TENM3: variants seen among roughly 807,000 people sequenced by gnomAD.
The protein encoded by TENM3 is teneurin-3.
TENM3 carries 63 observed loss-of-function variants against 255.1 expected under a neutral mutation model. That is an observed-to-expected ratio of 0.25 (90% CI 0.20 to 0.30). TENM3 has a LOEUF of 0.30. Ranked by LOEUF, TENM3 falls within the 10% of genes least tolerant of loss-of-function variation. TENM3 has a pLI of 1.00. For synonymous variants in TENM3, 1,306 were observed against 1,322.3 expected, an observed-to-expected ratio of 0.99 and a Z score of 0.27; for missense variants, 2,929 against 3,461.1, an observed-to-expected ratio of 0.85 and a Z score of 3.86.
the TENM3 span, among the ~76,000 whole-genome samples, chr4:181,948,005 A>T: frequency 6.6e-6 from 1 of 152,218 alleles, no homozygotes; most frequent in Admixed American, 6.5e-5. Flanking sequence ...GGAAGGGGAA[A>T]AAAAAATAAA....
chr4:181,665,646 T>C, the TENM3 span, among the ~76,000 whole-genome samples: 7 of 151,428 alleles, frequency 4.6e-5, no homozygotes, highest in South Asian at 2.1e-4. Context: ...TACACACACA[T>C]ATATACATAT....
chr4:182,748,464 G>A (rs746308838), intron 19 of TENM3, among the ~76,000 whole-genome samples: 13 of 152,052 alleles, frequency 8.5e-5, no homozygotes, highest in Non-Finnish European at 1.5e-4. Flanking sequence ...CCACACACCC[G>A]CCTCTTCAGT....
At chr4:181,845,194 C>G in the TENM3 span, among the ~76,000 whole-genome samples, 1 of 152,114 alleles carries the variant, frequency 6.6e-6, no homozygotes, top group African/African-American at 2.4e-5. Context: ...AAACTTGAGA[C>G]TATGTTTTAG....
At chr4:182,235,813 C>A (rs1486547328) in intron 1 of TENM3, among the ~76,000 whole-genome samples, 4 of 152,182 alleles carry the variant, frequency 2.6e-5, no homozygotes, top group African/African-American at 9.7e-5. Flanking sequence ...TGTGTTCATT[C>A]AGGCAGTGAA....
intron 12 of TENM3, chr4:182,697,981 T>A (rs1757555957): frequency 6.6e-6 from 1 of 152,184 alleles, no homozygotes; most frequent in Non-Finnish European, 1.5e-5. Flanking sequence ...GTCCTTCAAA[T>A]TCTTCTTTCG....
chr4:182,396,711 C>A (rs781612412), intron 3 of TENM3, among the ~76,000 whole-genome samples: 25 of 152,238 alleles, frequency 1.6e-4, no homozygotes, highest in Non-Finnish European at 3.2e-4. Context: ...CCTGTAAACT[C>A]AGCACTTTGG....
intron 1 of TENM3, among the ~76,000 whole-genome samples, chr4:182,210,830 TTC>T (rs1754980796): frequency 1.3e-5 from 2 of 152,156 alleles, no homozygotes; most frequent in African/African-American, 4.8e-5. Context: ...CCCCAGGCTC[TTC>T]TCTCAGTCTA....
intron 18 of TENM3, among the ~76,000 whole-genome samples, chr4:182,740,647 ATCTCTGTAGC>A (rs1371458889): frequency 1.3e-5 from 2 of 152,214 alleles, no homozygotes; most frequent in Non-Finnish European, 2.9e-5. Flanking sequence ...AACTACAGGC[ATCTCTGTAGC>A]TCCGAAAAAG....
the TENM3 span, among the ~76,000 whole-genome samples, chr4:181,931,617 T>G: frequency 6.6e-6 from 1 of 152,318 alleles, no homozygotes; most frequent in Middle Eastern, 3.4e-3. Context: ...TTCAATGCTA[T>G]TCTCATCAAA....
intron 24 of TENM3, among the ~76,000 whole-genome samples, chr4:182,788,358 G>T (rs541194703): frequency 1.8e-4 from 27 of 152,180 alleles, no homozygotes; most frequent in Non-Finnish European, 2.8e-4. Flanking sequence ...GCCTCGGATG[G>T]CAGACGGTAA....
At chr4:181,693,515 ATG>A in the TENM3 span, among the ~76,000 whole-genome samples, 4 of 152,174 alleles carry the variant, frequency 2.6e-5, no homozygotes, top group Non-Finnish European at 4.4e-5. Context: ...GAGTGCAGTT[ATG>A]TAGTCCCCTG....
chr4:181,887,804 G>C, the TENM3 span, among the ~76,000 whole-genome samples: 2 of 152,112 alleles, frequency 1.3e-5, no homozygotes, highest in Non-Finnish European at 2.9e-5. Flanking sequence ...CTTTACAATA[G>C]AAAAATCTTG....
chr4:181,852,081 A>G, the TENM3 span, among the ~76,000 whole-genome samples: 3 of 152,184 alleles, frequency 2.0e-5, no homozygotes, highest in Admixed American at 1.3e-4. Context: ...CAGCCAAACC[A>G]AGAGAAAGGT....
At chr4:181,551,807 AATATATATAT>A in the TENM3 span, among the ~76,000 whole-genome samples, 29,582 of 140,932 alleles carry the variant, frequency 0.21, 3,275 homozygotes, top group Middle Eastern at 0.36. Context: ...GGCAGTTAAT[AATATATATAT>A]ATATATATAT....
intron 5 of TENM3, among the ~76,000 whole-genome samples, chr4:182,629,287 T>C (rs1751123282): frequency 6.6e-6 from 1 of 152,124 alleles, no homozygotes; most frequent in South Asian, 2.1e-4. Context: ...ATTGTAAGTC[T>C]CTCAGCTCAC....
At chr4:182,262,858 C>T (rs1056612884) in intron 1 of TENM3, among the ~76,000 whole-genome samples, 81 of 151,868 alleles carry the variant, frequency 5.3e-4, no homozygotes, top group Admixed American at 1.4e-3. Flanking sequence ...GGACTACAGG[C>T]ACCCACCACC....
intron 3 of TENM3, among the ~76,000 whole-genome samples, chr4:182,450,596 G>A (rs914473305): frequency 5.9e-5 from 9 of 152,128 alleles, no homozygotes; most frequent in Non-Finnish European, 8.8e-5. Context: ...TTAAAGAGGT[G>A]GTGATTATAC....
the TENM3 span, among the ~76,000 whole-genome samples, chr4:181,869,579 A>T: frequency 1.3e-5 from 2 of 152,160 alleles, no homozygotes; most frequent in South Asian, 2.1e-4. Context: ...TCATGCCAGC[A>T]TCAAAACATC....
chr4:182,246,138 T>C (rs1431003658), intron 1 of TENM3, among the ~76,000 whole-genome samples: 1 of 152,176 alleles, frequency 6.6e-6, no homozygotes, highest in Non-Finnish European at 1.5e-5. Flanking sequence ...CTAAGTGGCC[T>C]GAAATGAAAC....
Sources: allele counts gnomAD v4.1 joint callset (sites outside exome capture counted in the v4.1 genomes callset), GRCh38; gene constraint gnomAD v4.1.1; transcripts MANE v1.5; gene names NCBI Gene and HGNC (gene_info 2026-07-23, HGNC 2026-07-21).